The following DENND2A variants were observed in gnomAD, a reference collection of about 807,000 sequenced individuals.
DENND2A encodes DENN domain-containing protein 2A.
Under a neutral mutation model 105.3 loss-of-function variants are expected in DENND2A, and 53 were observed. The observed-to-expected ratio is 0.50, with a 90% confidence interval of 0.40 to 0.63. DENND2A has a LOEUF of 0.63. Among genes scored for constraint, DENND2A ranks in the 30% least tolerant of loss-of-function variants. The probability of loss-of-function intolerance (pLI) is 0.00; values close to 1 mark genes in which losing one functional copy is unlikely to be tolerated. For synonymous variants in DENND2A, 522 were observed against 508.4 expected (o/e 1.03, Z -0.36); for missense variants, 1,138 against 1,279.6 (o/e 0.89, Z 1.69).
intron 1 of DENND2A, among the ~76,000 whole-genome samples, chr7:140,619,889 A>G (rs1800217096): frequency 6.6e-6 from 1 of 151,932 alleles, no homozygotes; most frequent in Admixed American, 6.6e-5. Context: ...CAATCAAGCT[A>G]TTATTTAAAA....
Position 140,555,637 on chromosome 7 carries a change from C to CTT in DENND2A, c.2034_2035dup (p.Arg679LysfsTer22). ...TTTCTCTGAGGTCCAAGTTCTCACC[C>CTT]TTGAAAAGAGGCTGAAGCATCCCAG... On this transcript the variant is annotated frameshift_variant and splice_region_variant, in exon 12 of 20. Transcript: ENST00000496613. LOFTEE classifies it high-confidence loss of function. 1 of 1,611,432 alleles carries CTT rather than the reference C, an allele frequency of 6.2e-7. No individual in the cohort carries two copies. The highest frequency in any genetic ancestry group is 8.5e-7 in the Non-Finnish European group (1 of 1,179,074).
intron 4 of DENND2A, among the ~76,000 whole-genome samples, chr7:140,587,429 A>G (rs1798827871): frequency 6.6e-6 from 1 of 151,958 alleles, no homozygotes. Context: ...TTGGCCACTC[A>G]TTACCAGCTA....
intron 5 of DENND2A, among the ~76,000 whole-genome samples, chr7:140,583,137 A>G (rs1037314880): frequency 7.2e-5 from 11 of 151,778 alleles, no homozygotes; most frequent in Admixed American, 7.2e-4. Flanking sequence ...TAAAAAAAAA[A>G]TACAAAAAAT....
At chr7:140,572,751 C>CAA (rs59174097) in intron 6 of DENND2A, among the ~76,000 whole-genome samples, 94 of 58,784 alleles carry the variant, frequency 1.6e-3, no homozygotes, top group African/African-American at 2.7e-3. Flanking sequence ...GAAACTCTGT[C>CAA]AAAAAAAAAA....
chr7:140,556,400 G>T (rs113540957), intron 11 of DENND2A, among the ~76,000 whole-genome samples: 1 of 151,936 alleles, frequency 6.6e-6, no homozygotes, highest in Non-Finnish European at 1.5e-5. Context: ...GTGCAGCGAC[G>T]CGATCTCAGC....
At chr7:140,547,098 T>C (rs377365913) in intron 12 of DENND2A, among the ~76,000 whole-genome samples, 159 bp from the exon 13 acceptor site, 9 of 152,316 alleles carry the variant, frequency 5.9e-5, no homozygotes, top group African/African-American at 2.2e-4. Flanking sequence ...CTACACATGA[T>C]TGTCCCCAAT....
intron 3 of DENND2A, among the ~76,000 whole-genome samples, chr7:140,591,954 A>G (rs1238215689): frequency 1.6e-4 from 1 of 6,078 alleles, no homozygotes; most frequent in Non-Finnish European, 2.8e-4. Flanking sequence ...CCCCCTCCCT[A>G]CTCCCCTCCC....
At chr7:140,529,048 T>TGAGCC (rs1289136436) in intron 14 of DENND2A, among the ~76,000 whole-genome samples, 1 of 152,044 alleles carries the variant, frequency 6.6e-6, no homozygotes, top group East Asian at 1.9e-4. Flanking sequence ...GAGGTTGCAG[T>TGAGCC]GAGCCGAGAT....
chr7:140,553,752 G>A (rs1396240733), intron 12 of DENND2A, among the ~76,000 whole-genome samples: 1 of 152,166 alleles, frequency 6.6e-6, no homozygotes, highest in Non-Finnish European at 1.5e-5. Flanking sequence ...ATCTTGCACC[G>A]CCCTTAATCC....
intron 6 of DENND2A, among the ~76,000 whole-genome samples, chr7:140,570,147 G>A (rs1397889533): frequency 6.6e-6 from 1 of 152,044 alleles, no homozygotes; most frequent in Non-Finnish European, 1.5e-5. Context: ...CACCCACCTT[G>A]GCCTCCCAAA....
At chr7:140,639,352 A>C (rs1390118458) in intron 1 of DENND2A, among the ~76,000 whole-genome samples, 3 of 151,408 alleles carry the variant, frequency 2.0e-5, no homozygotes, top group African/African-American at 7.3e-5. Context: ...ACTCTGTCTC[A>C]AAAAAATAAA....
rs189942845 is a variant in DENND2A at position 140,561,450 on chromosome 7, T to C, written c.1780-1633A>G. On this transcript the variant is annotated intron_variant, in intron 9 of 19. Coordinates refer to ENST00000496613, the MANE Select transcript of DENND2A (RefSeq NM_015689.5). ...TCTGAGGTTAGGAATTTATAACGTC[T>C]AACCTAAATATAATGGCTAACCTAT... is the stretch of plus-strand genomic sequence containing the variant. 2.5e-4 allele frequency among the ~76,000 whole-genome samples: 38 copies of C among 151,994 alleles called. 1 individual carries two copies. Among genetic ancestry groups the C allele is most frequent in the African/African-American group, 8.2e-4 (34 of 41,494 alleles).
At position 140,523,467 on chromosome 7, in the gene DENND2A, T is replaced by G; in HGVS notation, c.2548-43A>C. The G allele has an allele frequency of 6.3e-7, 1 of 1,578,118 alleles. No individual in the cohort carries two copies. The highest frequency in any genetic ancestry group is 8.7e-7 in the Non-Finnish European group (1 of 1,149,018). On this transcript the variant is annotated intron_variant, in intron 16 of 19. Coordinates refer to ENST00000496613, the MANE Select transcript of DENND2A (RefSeq NM_015689.5). The surrounding 1 kb of genome is among the most constrained non-coding windows in gnomAD (Gnocchi z 4.5). ...CAGGTGGGCTTATGGGCACGGTGGCTGCGTCTTGGCCATAGGACACACTGG... is the reference window on the plus strand; with the variant it reads ...CAGGTGGGCTTATGGGCACGGTGGCGGCGTCTTGGCCATAGGACACACTGG...
intron 13 of DENND2A, among the ~76,000 whole-genome samples, chr7:140,545,232 G>T (rs962747570): frequency 6.6e-6 from 1 of 152,202 alleles, no homozygotes; most frequent in Non-Finnish European, 1.5e-5. Flanking sequence ...GGAACGCCCA[G>T]CAGGCCTGAG....
At chr7:140,611,453 A>G (rs1229666482) in intron 1 of DENND2A, among the ~76,000 whole-genome samples, 1 of 152,188 alleles carries the variant, frequency 6.6e-6, no homozygotes, top group East Asian at 1.9e-4. Flanking sequence ...GGGGAGGATC[A>G]TTTGAGCCTG....
At chr7:140,579,849 G>A (rs1422752071) in intron 5 of DENND2A, among the ~76,000 whole-genome samples, 1 of 152,078 alleles carries the variant, frequency 6.6e-6, no homozygotes, top group Non-Finnish European at 1.5e-5. Context: ...ATGTCAATCT[G>A]GGCCAGGCGA....
In DENND2A at chr7:140,569,667, T is replaced by C; in HGVS notation, c.1518A>G (p.Ser506=). ...GKKRVKRLSQ[S]MESNSGKVTD... ...TACCTTTTCCTGAGTTGCTCTCCAT[T>C]GACTGGGACAGCCTCTTCACCCGTT... is the stretch of plus-strand genomic sequence containing the variant. Residue 506 remains serine (S), a synonymous_variant, in exon 7 of 20, where the codon TCA becomes TCG. Coordinates refer to ENST00000496613, the MANE Select transcript of DENND2A (RefSeq NM_015689.5). The C allele has an allele frequency of 6.2e-7, 1 of 1,613,398 alleles. No individual in the cohort carries two copies. Among genetic ancestry groups the C allele is most frequent in the South Asian group, 1.1e-5 (1 of 91,080 alleles).
chr7:140,558,838 G>A lies in DENND2A; in HGVS notation c.1890-626C>T, dbSNP rs531375148. On this transcript the variant is annotated intron_variant, in intron 10 of 19. Coordinates refer to ENST00000496613, the MANE Select transcript of DENND2A (RefSeq NM_015689.5). ...TTTTTTTCAAGATGGAGTCTCACTC[G>A]GTTGCCCAGGCTGGGATGCAGTGGT... is the stretch of plus-strand genomic sequence containing the variant. Among the ~76,000 whole-genome samples, 14 of 143,834 alleles carry A rather than the reference G, an allele frequency of 9.7e-5. No individual in the cohort carries two copies. The East Asian group carries it at 2.9e-3, about 30-fold the overall frequency. 94.4% of individuals were successfully genotyped at this position (143,834 alleles called of 152,430 possible). A position where few individuals can be genotyped will look rare whatever the true frequency, so the allele number is the denominator to read the frequency against.
intron 9 of DENND2A, among the ~76,000 whole-genome samples, chr7:140,564,280 CA>C (rs142073371): frequency 0.04 from 5,137 of 128,314 alleles, 261 homozygotes; most frequent in African/African-American, 0.12. Context: ...GAGACTGTGT[CA>C]AAAAAAAAAA....
Sources: allele counts gnomAD v4.1 joint callset (sites outside exome capture counted in the v4.1 genomes callset), GRCh38; gene constraint gnomAD v4.1.1; non-coding constraint Gnocchi (gnomAD v3.1); transcripts MANE v1.5; gene names NCBI Gene and HGNC (gene_info 2026-07-23, HGNC 2026-07-21).